Variants in ZNF264 observed in about 807,000 individuals in gnomAD.
ZNF264 encodes zinc finger protein 264.
Under a neutral mutation model 11.2 loss-of-function variants are expected in ZNF264, and 11 were observed. That is an observed-to-expected ratio of 0.98 (90% confidence interval 0.62 to 1.63). The LOEUF (loss-of-function observed/expected upper bound fraction) is 1.63, where lower values mean the gene tolerates loss of function less well. ZNF264 is among the 40% of genes most tolerant of loss of function. The pLI is 0.00. For missense variants in ZNF264, 752 were observed against 768.1 expected, an observed-to-expected ratio of 0.98 and a Z score of 0.25; for synonymous variants, 309 against 279.8, an observed-to-expected ratio of 1.10 and a Z score of -1.04.
chr19:57,194,108 G>T, intron 2 of ZNF264, 107 bp downstream of exon 2: 1 of 1,456,954 alleles, frequency 6.9e-7, no homozygotes, highest in Non-Finnish European at 9.2e-7. Flanking sequence ...AATCTACCTT[G>T]CCTCTTTCCC....
In ZNF264 at chr19:57,213,152, A is replaced by G. The variant is rs986220452; in HGVS notation, c.*171A>G. 11 of 548,606 alleles carry G rather than the reference A, an allele frequency of 2.0e-5. No individual in the cohort carries two copies. The highest frequency in any genetic ancestry group is 7.0e-5 in the Admixed American group (2 of 28,554). 34.0% of individuals were successfully genotyped at this position (548,606 alleles called of 1,614,324 possible). A position where few individuals can be genotyped will look rare whatever the true frequency, so the allele number is the denominator to read the frequency against. The stretch of plus-strand genomic sequence containing the variant: ...ATCTTTCTCCTTAGTTTACAGTGCA[A>G]TTTTATCTCAGGAATTATTTTTAAA... On this transcript the variant is annotated 3_prime_UTR_variant, in exon 4 of 4. Coordinates refer to ENST00000263095, the MANE Select transcript of ZNF264 (RefSeq NM_003417.5).
Position 57,220,008 on chromosome 19 carries a change from A to G in ZNF264, c.*7027A>G, listed in dbSNP as rs1421630665. The G allele has an allele frequency of 6.6e-6, 1 of 152,262 alleles. No homozygotes were observed. The highest frequency in any genetic ancestry group is 1.5e-5 in the Non-Finnish European group (1 of 68,050). 9.4% of individuals were successfully genotyped at this position (152,262 alleles called of 1,614,324 possible). A position where few individuals can be genotyped will look rare whatever the true frequency, so the allele number is the denominator to read the frequency against. On this transcript the variant is annotated 3_prime_UTR_variant, in exon 4 of 4. Coordinates refer to ENST00000263095, the MANE Select transcript of ZNF264 (RefSeq NM_003417.5). Reference sequence around the variant, plus strand: ...ACATGCATCAGCTCTTTCAACATTTACAGCATCTGTGTGTGGTAGGTAATG... The same window carrying G: ...ACATGCATCAGCTCTTTCAACATTTGCAGCATCTGTGTGTGGTAGGTAATG...
chr19:57,207,545 CTTTTTTTTTTTTTTTT>C (rs757880568), intron 3 of ZNF264, among the ~76,000 whole-genome samples: 7 of 103,124 alleles, frequency 6.8e-5, no homozygotes, highest in Non-Finnish European at 1.0e-4. Flanking sequence ...TTTTTCTTTT[CTTTTTTTTTTTTTTTT>C]TTTTTAGAGT....
intron 2 of ZNF264, among the ~76,000 whole-genome samples, chr19:57,203,656 CAGT>C (rs1398303111): frequency 1.3e-5 from 2 of 152,100 alleles, no homozygotes; most frequent in Non-Finnish European, 2.9e-5. Flanking sequence ...AACTCTATCA[CAGT>C]AGAACGTTCA....
intron 1 of ZNF264, among the ~76,000 whole-genome samples, chr19:57,193,296 T>C (rs915994127): frequency 6.6e-6 from 1 of 152,152 alleles, no homozygotes; most frequent in African/African-American, 2.4e-5. Context: ...TGTGAAAGGA[T>C]TAATAAAAAT....
intron 1 of ZNF264, among the ~76,000 whole-genome samples, chr19:57,192,768 G>T (rs2087183980): frequency 6.6e-6 from 1 of 152,016 alleles, no homozygotes; most frequent in Admixed American, 6.6e-5. Context: ...GTCTCACTCT[G>T]TCGCCCAGGC....
rs559541256 is a variant in ZNF264 at position 57,216,917 on chromosome 19, A to C, written c.*3936A>C. ...ACATATGTAGTGTTTTTTAGTATAG[A>C]TCCTCCTTGACTTATGATGGGGTTA... On this transcript the variant is annotated 3_prime_UTR_variant, in exon 4 of 4. Coordinates refer to ENST00000263095, the MANE Select transcript of ZNF264 (RefSeq NM_003417.5). The C allele has an allele frequency of 1.3e-5, 2 of 149,462 alleles. No homozygotes were observed. The highest frequency in any genetic ancestry group is 4.0e-4 in the East Asian group (2 of 5,058). 9.3% of individuals were successfully genotyped at this position (149,462 alleles called of 1,614,324 possible). A position where few individuals can be genotyped will look rare whatever the true frequency, so the allele number is the denominator to read the frequency against.
chr19:57,220,577 ACCCT>A lies in ZNF264; in HGVS notation c.*7599_*7602del, dbSNP rs1378810360. 1.3e-5 allele frequency: 2 copies of A among 150,958 alleles called. No individual in the cohort carries two copies. 9.4% of individuals were successfully genotyped at this position (150,958 alleles called of 1,614,324 possible). A position where few individuals can be genotyped will look rare whatever the true frequency, so the allele number is the denominator to read the frequency against. ...TTCATTCCACCTTTTTTTTTAGTAG[ACCCT>A]CCATATATGTGTGTGTTTTGGTGAA... On this transcript the variant is annotated 3_prime_UTR_variant, in exon 4 of 4. Coordinates refer to ENST00000263095, the MANE Select transcript of ZNF264 (RefSeq NM_003417.5).
At chr19:57,196,375 A>C (rs973185558) in intron 2 of ZNF264, among the ~76,000 whole-genome samples, 2 of 151,870 alleles carry the variant, frequency 1.3e-5, no homozygotes, top group Non-Finnish European at 1.5e-5. Flanking sequence ...GTGAGGACAG[A>C]CCTCTGCCCT....
chr19:57,208,425 T>G (rs949405124), intron 3 of ZNF264, among the ~76,000 whole-genome samples: 1 of 152,032 alleles, frequency 6.6e-6, no homozygotes, highest in African/African-American at 2.4e-5. Flanking sequence ...ATGCCTGTGG[T>G]CCCAGCTATT....
Position 57,212,498 on chromosome 19 carries a change from G to A in ZNF264, c.1401G>A (p.Arg467=), listed in dbSNP as rs778389856. The change falls in exon 4 of 4, where the codon CGG becomes CGA. Residue 467 remains arginine, a synonymous_variant. Coordinates refer to ENST00000263095, the MANE Select transcript of ZNF264 (RefSeq NM_003417.5). ...AGTGTGGGAAAGCCTTTAGCAATCG[G>A]AAGGACCTCATTCGCCACTTCAGCA... The part of the protein sequence containing the change: ...CKECGKAFSN[R]KDLIRHFSIH... 7 of 1,613,036 alleles carry A rather than the reference G, an allele frequency of 4.3e-6. No homozygotes were observed. In the East Asian group the frequency reaches 1.6e-4, roughly 36 times the overall value.
Position 57,212,410 on chromosome 19 carries a change from A to T in ZNF264, c.1313A>T (p.His438Leu), listed in dbSNP as rs112825359. The change falls in exon 4 of 4, where the codon CAC becomes CTC. Residue 438 changes from histidine (H) to leucine (L), a missense_variant. His to Leu is a moderately conservative substitution (Grantham distance 99). Coordinates refer to ENST00000263095, the MANE Select transcript of ZNF264 (RefSeq NM_003417.5). The part of the protein sequence containing the change: ...VCSECGKAFT[H>L]CSTFILHKRA... Reference sequence around the variant, plus strand: ...AGTGAATGTGGAAAGGCCTTCACCCACTGCTCTACTTTTATCTTGCATAAA... The same window carrying T: ...AGTGAATGTGGAAAGGCCTTCACCCTCTGCTCTACTTTTATCTTGCATAAA... 6.2e-7 allele frequency: 1 copy of T among 1,613,852 alleles called. No individual in the cohort carries two copies. Among genetic ancestry groups the T allele is most frequent in the East Asian group, 2.2e-5 (1 of 44,856 alleles).
At chr19:57,194,981 G>A (rs896343181) in intron 2 of ZNF264, 10 of 384,130 alleles carry the variant, frequency 2.6e-5, no homozygotes, top group South Asian at 2.9e-4. Flanking sequence ...TCAAGTGTCC[G>A]TTTCAAGTGT....
In ZNF264 at chr19:57,218,129, C is replaced by T. The variant is rs937454121; in HGVS notation, c.*5148C>T. 6.6e-6 allele frequency: 1 copy of T among 152,146 alleles called. No individual in the cohort carries two copies. Among genetic ancestry groups the T allele is most frequent in the Non-Finnish European group, 1.5e-5 (1 of 68,032 alleles). The allele number at this position is 152,146 out of a possible 1,614,324, so 9.4% of individuals were successfully genotyped here. A position where few individuals can be genotyped will look rare whatever the true frequency, so the allele number is the denominator to read the frequency against. The stretch of plus-strand genomic sequence containing the variant: ...ATTAACATTTCTTTTCAGTTATACA[C>T]TGAACTTTACTGTAGCCTTTCTTCT... On this transcript the variant is annotated 3_prime_UTR_variant, in exon 4 of 4. Coordinates refer to ENST00000263095, the MANE Select transcript of ZNF264 (RefSeq NM_003417.5).
chr19:57,204,053 G>A (rs2087272768), intron 2 of ZNF264, among the ~76,000 whole-genome samples: 1 of 152,090 alleles, frequency 6.6e-6, no homozygotes, highest in Non-Finnish European at 1.5e-5. Flanking sequence ...CAGGTGTGGT[G>A]GCAGGCGCCT....
Position 57,215,579 on chromosome 19 carries a change from T to C in ZNF264, c.*2598T>C, listed in dbSNP as rs528749861. Reference sequence around the variant, plus strand: ...TTATATTCCACTTGCTTTGGTTGTATTTGGCTCTTTCTAACTTTTCAAGGT... The same window carrying C: ...TTATATTCCACTTGCTTTGGTTGTACTTGGCTCTTTCTAACTTTTCAAGGT... On this transcript the variant is annotated 3_prime_UTR_variant, in exon 4 of 4. Transcript: ENST00000263095. 6.6e-6 allele frequency: 1 copy of C among 152,320 alleles called. No homozygotes were observed. Among genetic ancestry groups the C allele is most frequent in the Admixed American group, 6.5e-5 (1 of 15,298 alleles). The allele number at this position is 152,320 out of a possible 1,614,324, so 9.4% of individuals were successfully genotyped here.
Position 57,200,359 on chromosome 19 carries a change from G to A in ZNF264, c.161-5038G>A, listed in dbSNP as rs138818859. On this transcript the variant is annotated intron_variant, in intron 2 of 3. Transcript: ENST00000263095. ...GCCATCCCCCAAATGCCATCCCAGCGCTTTGGGAGGCCAAGATGGGAGGAT... is the reference window on the plus strand; with the variant it reads ...GCCATCCCCCAAATGCCATCCCAGCACTTTGGGAGGCCAAGATGGGAGGAT... 7.9e-4 allele frequency among the ~76,000 whole-genome samples: 120 copies of A among 151,258 alleles called. 5 individuals carry two copies. Among genetic ancestry groups the A allele is most frequent in the African/African-American group, 2.9e-3 (117 of 40,878 alleles).
rs1380514146 is a variant in ZNF264 at position 57,216,983 on chromosome 19, A to G, written c.*4002A>G. ...ATTGCAAGTTGAAAATACTATGTCA[A>G]ATATGCATTTAATACACCTACCCTG... is the stretch of plus-strand genomic sequence containing the variant. On this transcript the variant is annotated 3_prime_UTR_variant, in exon 4 of 4. Coordinates refer to ENST00000263095, the MANE Select transcript of ZNF264 (RefSeq NM_003417.5). 3 of 152,156 alleles carry G rather than the reference A, an allele frequency of 2.0e-5. No individual in the cohort carries two copies. The highest frequency in any genetic ancestry group is 7.2e-5 in the African/African-American group (3 of 41,428). The allele number at this position is 152,156 out of a possible 1,614,324, so 9.4% of individuals were successfully genotyped here.
intron 1 of ZNF264, chr19:57,192,379 A>G (rs2087180262): frequency 2.0e-6 from 2 of 985,354 alleles, no homozygotes; most frequent in Non-Finnish European, 2.4e-6. Context: ...CGTGGAGGGC[A>G]ACAGTGTGTG....
Sources: allele counts gnomAD v4.1 joint callset (sites outside exome capture counted in the v4.1 genomes callset), GRCh38; gene constraint gnomAD v4.1.1; transcripts MANE v1.5; gene names NCBI Gene and HGNC (gene_info 2026-07-23, HGNC 2026-07-21).